Variants in HS3ST5 observed in about 807,000 individuals in gnomAD.
The protein encoded by HS3ST5 is heparan sulfate-glucosamine 3-sulfotransferase 5.
HS3ST5 carries 10 observed loss-of-function variants against 25.4 expected under a neutral mutation model. That is an observed-to-expected ratio of 0.39 (90% confidence interval 0.24 to 0.67). The LOEUF (loss-of-function observed/expected upper bound fraction) is 0.67, where lower values mean the gene tolerates loss of function less well. Among genes scored for constraint, HS3ST5 ranks in the 30% least tolerant of loss-of-function variants. The pLI is 0.44. For synonymous variants in HS3ST5, 170 were observed against 162.4 expected, an observed-to-expected ratio of 1.05 and a Z score of -0.36; for missense variants, 324 against 420.7, an observed-to-expected ratio of 0.77 and a Z score of 2.01.
rs565862805 is a variant in HS3ST5, at chr6:114,057,233, C to T, written c.*24G>A. On this transcript the variant is annotated 3_prime_UTR_variant, in exon 5 of 5. Coordinates refer to ENST00000312719, the MANE Select transcript of HS3ST5 (RefSeq NM_153612.4). The stretch of plus-strand genomic sequence containing the variant: ...ACATTGTGTGTCTCCAGGCACAACA[C>T]ATAGTGTTGTATGACATATTATTTT... 1.3e-5 allele frequency: 20 copies of T among 1,527,070 alleles called. No individual in the cohort carries two copies. In the East Asian group the frequency reaches 3.6e-4, roughly 28 times the overall value. 94.6% of individuals were successfully genotyped at this position (1,527,070 alleles called of 1,614,324 possible).
At chr6:114,169,406 T>G (rs951477317) in intron 2 of HS3ST5, among the ~76,000 whole-genome samples, 31 of 152,212 alleles carry the variant, frequency 2.0e-4, no homozygotes, top group Non-Finnish European at 4.4e-4. Flanking sequence ...CTGATTAACA[T>G]ACTTTCATAA....
chr6:114,203,008 T>C (rs1450770038), intron 2 of HS3ST5, among the ~76,000 whole-genome samples: 1 of 152,240 alleles, frequency 6.6e-6, no homozygotes, highest in Non-Finnish European at 1.5e-5. Flanking sequence ...TCTCTTGTTT[T>C]GTAATCAGAA....
At chr6:114,306,347 C>A (rs1011110304) in intron 1 of HS3ST5, among the ~76,000 whole-genome samples, 4 of 148,952 alleles carry the variant, frequency 2.7e-5, no homozygotes, top group Non-Finnish European at 4.5e-5. Flanking sequence ...TTGGTCTTCT[C>A]ATCCTTTATC....
At chr6:114,084,696 G>T in intron 3 of HS3ST5, 1 of 1,268,718 alleles carries the variant, frequency 7.9e-7, no homozygotes, top group South Asian at 1.2e-5. Context: ...AGAAGCCGTG[G>T]CTCCTGGAAG....
At chr6:114,335,424 G>A (rs1301955956) in intron 1 of HS3ST5, among the ~76,000 whole-genome samples, 1 of 151,914 alleles carries the variant, frequency 6.6e-6, no homozygotes, top group Non-Finnish European at 1.5e-5. Context: ...AGTTCTATAA[G>A]GTATGAAATA....
intron 3 of HS3ST5, among the ~76,000 whole-genome samples, chr6:114,065,588 T>A (rs559505720): frequency 9.9e-5 from 15 of 152,278 alleles, no homozygotes; most frequent in Admixed American, 4.6e-4. Flanking sequence ...ATGAAATGAG[T>A]TTTCTACAGG....
At chr6:114,090,804 A>C (rs980597538) in intron 3 of HS3ST5, among the ~76,000 whole-genome samples, 10 of 152,214 alleles carry the variant, frequency 6.6e-5, no homozygotes, top group African/African-American at 2.4e-4. Context: ...ATAATAATGA[A>C]GTTATCTTGC....
intron 2 of HS3ST5, among the ~76,000 whole-genome samples, chr6:114,215,835 T>C (rs1375202135): frequency 6.6e-6 from 1 of 152,242 alleles, no homozygotes; most frequent in Non-Finnish European, 1.5e-5. Context: ...ATCTGTACTT[T>C]TCACCTCCTG....
rs71553394 is a variant in HS3ST5 at position 114,103,857 on chromosome 6, A to ATTTTTTTTT, written c.-32-40989_-32-40981dup. Among the ~76,000 whole-genome samples the ATTTTTTTTT allele has an allele frequency of 2.6e-3, 277 of 107,062 alleles. 5 individuals carry two copies. The highest frequency in any genetic ancestry group is 3.5e-3 in the South Asian group (11 of 3,146). The allele number at this position is 107,062 out of a possible 152,430, so 70.2% of individuals were successfully genotyped here. ...AAGCACCTGCCACCACACCTGGCTA[A>ATTTTTTTTT]TTTTTTTTTTTTTTTTTGTATTTTT... is the stretch of plus-strand genomic sequence containing the variant. On this transcript the variant is annotated intron_variant, in intron 3 of 4. Transcript: ENST00000312719.
intron 1 of HS3ST5, among the ~76,000 whole-genome samples, chr6:114,298,409 C>A (rs921689218): frequency 3.9e-5 from 6 of 152,204 alleles, no homozygotes; most frequent in Non-Finnish European, 8.8e-5. Flanking sequence ...CTTAAGGGCA[C>A]TTATTATGTG....
intron 1 of HS3ST5, among the ~76,000 whole-genome samples, chr6:114,306,278 CAT>C (rs532519086): frequency 2.3e-4 from 33 of 141,530 alleles, no homozygotes; most frequent in Non-Finnish European, 1.8e-4. Flanking sequence ...CACACACACA[CAT>C]ATATATATAT....
At chr6:114,164,609 C>T (rs965266818) in intron 3 of HS3ST5, among the ~76,000 whole-genome samples, 2 of 152,066 alleles carry the variant, frequency 1.3e-5, no homozygotes, top group South Asian at 2.1e-4. Context: ...TCTAAAATAC[C>T]GTCTAAAGTA....
At chr6:114,179,233 A>G (rs1364684071) in intron 2 of HS3ST5, 1 of 152,228 alleles carries the variant, frequency 6.6e-6, no homozygotes, top group Non-Finnish European at 1.5e-5. Flanking sequence ...TGCCTGGCAG[A>G]TAGTAAGCAA....
At chr6:114,072,714 T>C (rs1469866363) in intron 3 of HS3ST5, among the ~76,000 whole-genome samples, 1 of 152,182 alleles carries the variant, frequency 6.6e-6, no homozygotes, top group Non-Finnish European at 1.5e-5. Context: ...ATGGCCATAC[T>C]GCCCAAGGTG....
chr6:114,181,496 G>A (rs1779966910), intron 2 of HS3ST5, among the ~76,000 whole-genome samples: 1 of 152,110 alleles, frequency 6.6e-6, no homozygotes, highest in Admixed American at 6.5e-5. Flanking sequence ...GATATTATAA[G>A]TATTTCTTGG....
intron 3 of HS3ST5, among the ~76,000 whole-genome samples, chr6:114,069,044 C>A (rs1290784239): frequency 6.6e-6 from 1 of 152,038 alleles, no homozygotes; most frequent in Admixed American, 6.5e-5. Flanking sequence ...TAAGGAGATT[C>A]AAAAATAATA....
chr6:114,250,089 T>C (rs1295980929), intron 1 of HS3ST5, among the ~76,000 whole-genome samples: 1 of 152,132 alleles, frequency 6.6e-6, no homozygotes, highest in African/African-American at 2.4e-5. Context: ...TAGGGGACAG[T>C]CTGAATTCTC....
chr6:114,127,695 T>C lies in HS3ST5; in HGVS notation c.-33+40656A>G, dbSNP rs564161683. Among the ~76,000 whole-genome samples, 4 of 152,188 alleles carry C rather than the reference T, an allele frequency of 2.6e-5. No individual in the cohort carries two copies. In the East Asian group the frequency reaches 7.7e-4, roughly 29 times the overall value. ...AGGCATACAAGTGTCCATCAAGAGA[T>C]GAATTAATCAACAAAATGTAATCTA... On this transcript the variant is annotated intron_variant, in intron 3 of 4. Coordinates refer to ENST00000312719, the MANE Select transcript of HS3ST5 (RefSeq NM_153612.4).
At chr6:114,100,794 C>G (rs530354477) in intron 3 of HS3ST5, among the ~76,000 whole-genome samples, 1 of 152,134 alleles carries the variant, frequency 6.6e-6, no homozygotes, top group South Asian at 2.1e-4. Flanking sequence ...CCAAAACATA[C>G]ACAGTATATG....
Sources: gnomAD v4.1 joint callset for allele counts (sites outside exome capture counted in the v4.1 genomes callset) on GRCh38, gnomAD v4.1.1 for gene constraint, MANE v1.5 for transcripts, NCBI Gene and HGNC (gene_info 2026-07-23, HGNC 2026-07-21) for gene names.